Variants in DISP1 observed in about 807,000 individuals in gnomAD.
DISP1 encodes dispatched RND transporter family member 1, also known as protein dispatched homolog 1.
Under a neutral mutation model 37.3 loss-of-function variants are expected in DISP1, and 30 were observed. The ratio of observed to expected loss-of-function variants is 0.80; its 90% CI spans 0.60 to 1.09. The LOEUF (loss-of-function observed/expected upper bound fraction) is 1.09, where lower values mean the gene tolerates loss of function less well. DISP1 is among the 50% of genes least tolerant of loss of function. The pLI is 0.00. For synonymous variants in DISP1, 634 were observed against 690.2 expected, an observed-to-expected ratio of 0.92 and a Z score of 1.28; for missense variants, 1,598 against 1,879.5, an observed-to-expected ratio of 0.85 and a Z score of 2.77.
intron 3 of DISP1, among the ~76,000 whole-genome samples, chr1:222,956,617 C>A (rs1187320378): frequency 6.6e-6 from 1 of 151,948 alleles, no homozygotes; most frequent in African/African-American, 2.4e-5. Flanking sequence ...CTACACTGGG[C>A]TCCAAATTGC....
At chr1:222,969,370 C>CAAAAAAAAAAAAAAAAAAAAAAAAAATA (rs71178518) in intron 3 of DISP1, among the ~76,000 whole-genome samples, 1 of 29,866 alleles carries the variant, frequency 3.3e-5, no homozygotes, top group African/African-American at 1.0e-4. Context: ...AACTTGGTCT[C>CAAAAAAAAAAAAAAAAAAAAAAAAAATA]AAAAAAAAAA....
intron 1 of DISP1, among the ~76,000 whole-genome samples, chr1:222,913,086 G>A (rs1055508993): frequency 5.3e-5 from 8 of 152,112 alleles, no homozygotes; most frequent in Non-Finnish European, 4.4e-5. Flanking sequence ...TAAAGTTTTG[G>A]AATATAGTAA....
chr1:222,880,049 G>A (rs1220862536), intron 1 of DISP1, among the ~76,000 whole-genome samples: 4 of 151,952 alleles, frequency 2.6e-5, no homozygotes, highest in Non-Finnish European at 4.4e-5. Flanking sequence ...ATCCATGACT[G>A]AAATACCTTT....
At chr1:222,847,705 A>G (rs1667991436) in intron 1 of DISP1, among the ~76,000 whole-genome samples, 2 of 152,078 alleles carry the variant, frequency 1.3e-5, no homozygotes, top group African/African-American at 4.8e-5. Flanking sequence ...AAGACACACC[A>G]ACCCCCACCC....
In DISP1 at chr1:222,992,038, G is replaced by T; in HGVS notation, c.817G>T (p.Asp273Tyr). 6.2e-7 allele frequency: 1 copy of T among 1,613,842 alleles called. No homozygotes were observed. The highest frequency in any genetic ancestry group is 8.5e-7 in the Non-Finnish European group (1 of 1,179,798). ...CCATCGGGATGATAGATGGTCAGAT[G>T]ATCATTATGAAAGAGAGAAAAGAGA... is the stretch of plus-strand genomic sequence containing the variant. ...KSHRDDRWSD[D>Y]HYEREKREVD... The change falls in exon 7 of 9, where the codon GAT becomes TAT. Residue 273 changes from aspartate (D) to tyrosine (Y), a missense_variant. Coordinates refer to ENST00000675850, the MANE Select transcript of DISP1 (RefSeq NM_001377229.1).
Position 222,969,016 on chromosome 1 carries a change from T to C in DISP1, c.510-14064T>C, listed in dbSNP as rs189650144. Among the ~76,000 whole-genome samples the C allele has an allele frequency of 5.3e-5, 8 of 152,030 alleles. No individual in the cohort carries two copies. The East Asian group carries it at 1.4e-3, about 26-fold the overall frequency. The stretch of plus-strand genomic sequence containing the variant: ...GACCTAGATTATTAAGTAAGTGGAA[T>C]TGGGAAAAACTAACATCTGGATCAA... On this transcript the variant is annotated intron_variant, in intron 3 of 8. Coordinates refer to ENST00000675850, the MANE Select transcript of DISP1 (RefSeq NM_001377229.1).
At chr1:222,834,719 G>C (rs899893810) in intron 1 of DISP1, among the ~76,000 whole-genome samples, 1 of 152,062 alleles carries the variant, frequency 6.6e-6, no homozygotes, top group Admixed American at 6.6e-5. Flanking sequence ...ATTCTTTTTA[G>C]TAGGTTAAAT....
intron 1 of DISP1, among the ~76,000 whole-genome samples, chr1:222,912,072 A>G (rs1672244432): frequency 6.6e-6 from 1 of 152,154 alleles, no homozygotes. Flanking sequence ...GAGGAATCTG[A>G]GTCTTGTCTC....
intron 1 of DISP1, among the ~76,000 whole-genome samples, chr1:222,829,978 A>G (rs1455235546): frequency 1.3e-5 from 2 of 152,114 alleles, no homozygotes; most frequent in Non-Finnish European, 2.9e-5. Flanking sequence ...GTTTTTGGCA[A>G]TAATTTTGTT....
At chr1:222,989,754 T>G (rs1678547535) in intron 4 of DISP1, among the ~76,000 whole-genome samples, 1 of 152,144 alleles carries the variant, frequency 6.6e-6, no homozygotes, top group Non-Finnish European at 1.5e-5. Flanking sequence ...ATATGCTCAC[T>G]GTAGTTTTAG....
At chr1:222,891,767 A>G (rs746643133) in intron 1 of DISP1, among the ~76,000 whole-genome samples, 11 of 152,240 alleles carry the variant, frequency 7.2e-5, no homozygotes, top group Non-Finnish European at 1.2e-4. Context: ...GTGATTAGTG[A>G]GTACAACAGG....
At chr1:222,884,161 A>C (rs1398434738) in intron 1 of DISP1, among the ~76,000 whole-genome samples, 2 of 151,244 alleles carry the variant, frequency 1.3e-5, no homozygotes, top group Non-Finnish European at 2.9e-5. Context: ...TTATCCCTTC[A>C]CCTGGCCCAG....
chr1:222,897,136 T>C (rs932557761), intron 1 of DISP1, among the ~76,000 whole-genome samples: 4 of 152,198 alleles, frequency 2.6e-5, no homozygotes, highest in Non-Finnish European at 5.9e-5. Context: ...AATTTTGATA[T>C]AGTCATTCAG....
At chr1:222,846,440 G>A (rs1667904937) in intron 1 of DISP1, among the ~76,000 whole-genome samples, 1 of 152,120 alleles carries the variant, frequency 6.6e-6, no homozygotes, top group Non-Finnish European at 1.5e-5. Context: ...GTGGTGAGCT[G>A]AGATTGTGCC....
At chr1:222,909,537 T>G (rs145116353) in intron 1 of DISP1, among the ~76,000 whole-genome samples, 6 of 152,346 alleles carry the variant, frequency 3.9e-5, no homozygotes, top group African/African-American at 1.4e-4. Context: ...TATCAACTCT[T>G]CTGTAGTTGG....
chr1:222,836,671 T>C (rs1290379029), intron 1 of DISP1, among the ~76,000 whole-genome samples: 1 of 151,554 alleles, frequency 6.6e-6, no homozygotes, highest in Non-Finnish European at 1.5e-5. Flanking sequence ...AATTTTGTAA[T>C]AAAACAAATA....
chr1:222,923,798 C>T (rs1672938704), intron 1 of DISP1, among the ~76,000 whole-genome samples: 1 of 151,914 alleles, frequency 6.6e-6, no homozygotes, highest in Non-Finnish European at 1.5e-5. Flanking sequence ...TTTTCGGTAA[C>T]ATTTCTAAAT....
At position 223,003,689 on chromosome 1, in the gene DISP1, T is replaced by C. The variant is rs781686519; in HGVS notation, c.2292T>C (p.Tyr764=). 10 of 1,614,058 alleles carry C rather than the reference T, an allele frequency of 6.2e-6. No individual in the cohort carries two copies. Among genetic ancestry groups the C allele is most frequent in the Non-Finnish European group, 7.6e-6 (9 of 1,180,038 alleles). Residue 764 remains tyrosine (Y), a synonymous_variant, in exon 9 of 9, where the codon TAT becomes TAC. Transcript: ENST00000675850. The surrounding 1 kb of genome is among the most constrained non-coding windows in gnomAD (Gnocchi z 4.3). ...VFRSSHPFER[Y]DAEYKKLFMF... is the part of the protein sequence containing the mutation. ...GGTCGTCCCATCCTTTTGAGCGTTATGATGCTGAATACAAAAAGCTTTTCA... is the reference window on the plus strand; with the variant it reads ...GGTCGTCCCATCCTTTTGAGCGTTACGATGCTGAATACAAAAAGCTTTTCA...
At chr1:222,896,669 T>C (rs1671279587) in intron 1 of DISP1, among the ~76,000 whole-genome samples, 1 of 151,238 alleles carries the variant, frequency 6.6e-6, no homozygotes, top group Admixed American at 6.6e-5. Flanking sequence ...TGTAATACAA[T>C]GTGTGACAAA....
Sources: gnomAD v4.1 joint callset for allele counts (sites outside exome capture counted in the v4.1 genomes callset) on GRCh38, gnomAD v4.1.1 for gene constraint, Gnocchi (gnomAD v3.1) non-coding constraint, MANE v1.5 for transcripts, NCBI Gene and HGNC (gene_info 2026-07-23, HGNC 2026-07-21) for gene names.